The following HACD2 variants were observed in gnomAD, a reference collection of about 807,000 sequenced individuals.
HACD2 encodes the protein very-long-chain (3R)-3-hydroxyacyl-CoA dehydratase 2.
In HACD2, 15 loss-of-function variants were observed where a neutral mutation model predicts 31.0. The ratio of observed to expected loss-of-function variants is 0.48; its 90% CI spans 0.32 to 0.75. HACD2 has a LOEUF of 0.75. HACD2 is among the 30% of genes least tolerant of loss of function. The pLI is 0.03. For synonymous variants in HACD2, 115 were observed against 122.2 expected (o/e 0.94, Z 0.39); for missense variants, 283 against 313.0 (o/e 0.90, Z 0.72).
chr3:123,534,292 C>G (rs920933545), intron 3 of HACD2, among the ~76,000 whole-genome samples: 2 of 152,050 alleles, frequency 1.3e-5, no homozygotes, highest in Non-Finnish European at 2.9e-5. Context: ...TTTCGGATAA[C>G]GACGTACTGC....
chr3:123,578,702 T>A (rs992623926), intron 2 of HACD2, among the ~76,000 whole-genome samples: 5 of 152,208 alleles, frequency 3.3e-5, no homozygotes, highest in African/African-American at 9.6e-5. Context: ...TAATTTCGAT[T>A]TCCTTTTTAA....
chr3:123,573,605 G>C (rs2107754933), intron 2 of HACD2, among the ~76,000 whole-genome samples: 1 of 152,272 alleles, frequency 6.6e-6, no homozygotes, highest in Non-Finnish European at 1.5e-5. Context: ...AAACCCATTT[G>C]ACTCGCACAC....
intron 4 of HACD2, among the ~76,000 whole-genome samples, chr3:123,518,757 G>A (rs530309688): frequency 6.6e-6 from 1 of 152,202 alleles, no homozygotes; most frequent in East Asian, 1.9e-4. Context: ...AGCAACTTCG[G>A]GAGGCCAAGG....
rs183330450 is a variant in HACD2 at position 123,532,275 on chromosome 3, C to T, written c.293-3801G>A. 4.0e-3 allele frequency among the ~76,000 whole-genome samples: 605 copies of T among 152,326 alleles called. 4 individuals carry two copies. The highest frequency in any genetic ancestry group is 0.013 in the African/African-American group (560 of 41,574). ...TTAGACACCTTAATTTTCCCCAAAT[C>T]ATGTCATTCAGACCAACTGTCACTT... On this transcript the variant is annotated intron_variant, in intron 3 of 6. Transcript: ENST00000383657.
intron 2 of HACD2, among the ~76,000 whole-genome samples, chr3:123,571,520 G>A (rs537552410): frequency 6.6e-6 from 1 of 152,286 alleles, no homozygotes; most frequent in East Asian, 1.9e-4. Flanking sequence ...GGGGAGTCAC[G>A]TGCAAGGCCT....
chr3:123,546,653 T>C (rs753755210), intron 3 of HACD2, among the ~76,000 whole-genome samples: 45 of 152,328 alleles, frequency 3.0e-4, no homozygotes, highest in Admixed American at 1.1e-3. Context: ...TCCTGTTATA[T>C]AGGAAAAATA....
intron 4 of HACD2, among the ~76,000 whole-genome samples, chr3:123,525,660 G>C (rs1012635327): frequency 1.3e-5 from 2 of 152,180 alleles, no homozygotes; most frequent in Non-Finnish European, 2.9e-5. Flanking sequence ...GGTGGAGCAG[G>C]AGTCCAAATT....
intron 4 of HACD2, among the ~76,000 whole-genome samples, chr3:123,507,413 G>C (rs1180684827): frequency 1.3e-5 from 2 of 152,108 alleles, no homozygotes; most frequent in African/African-American, 2.4e-5. Flanking sequence ...CTGTACAGTG[G>C]AATACTATTC....
chr3:123,510,865 T>C (rs2056051385), intron 4 of HACD2, among the ~76,000 whole-genome samples: 2 of 152,022 alleles, frequency 1.3e-5, no homozygotes, highest in Non-Finnish European at 2.9e-5. Flanking sequence ...GGCTGTACCA[T>C]TTTACATTAC....
chr3:123,549,518 C>T (rs1332388955), intron 3 of HACD2, among the ~76,000 whole-genome samples: 1 of 152,186 alleles, frequency 6.6e-6, no homozygotes, highest in African/African-American at 2.4e-5. Context: ...GAAGTCAGGG[C>T]AGGCACATTT....
At chr3:123,577,576 G>A (rs985429846) in intron 2 of HACD2, among the ~76,000 whole-genome samples, 6 of 148,404 alleles carry the variant, frequency 4.0e-5, no homozygotes, top group East Asian at 4.0e-4. Context: ...AGCCGAGATC[G>A]CGCCACTGCA....
intron 2 of HACD2, among the ~76,000 whole-genome samples, chr3:123,572,331 C>A (rs187777527): frequency 8.5e-5 from 13 of 152,182 alleles, no homozygotes; most frequent in African/African-American, 3.1e-4. Flanking sequence ...CACAGTGAGA[C>A]CCCCAGCTCT....
chr3:123,557,140 T>C (rs1254680091), intron 3 of HACD2, among the ~76,000 whole-genome samples: 1 of 152,096 alleles, frequency 6.6e-6, no homozygotes, highest in Non-Finnish European at 1.5e-5. Context: ...GGTGAGTGAG[T>C]ATCACTGCCT....
At chr3:123,543,391 C>T (rs2056517347) in intron 3 of HACD2, among the ~76,000 whole-genome samples, 1 of 151,764 alleles carries the variant, frequency 6.6e-6, no homozygotes, top group African/African-American at 2.4e-5. Context: ...ACACATTATC[C>T]TGAAAACTCG....
intron 3 of HACD2, among the ~76,000 whole-genome samples, chr3:123,540,431 T>G (rs942072706): frequency 6.6e-6 from 1 of 152,196 alleles, no homozygotes; most frequent in Non-Finnish European, 1.5e-5. Context: ...TCTGAAAGTC[T>G]AACCTCTGAA....
intron 3 of HACD2, among the ~76,000 whole-genome samples, chr3:123,532,561 T>G (rs1013154586): frequency 6.6e-6 from 1 of 152,202 alleles, no homozygotes; most frequent in Non-Finnish European, 1.5e-5. Flanking sequence ...CCAGGCACAG[T>G]GGCTTACGCC....
chr3:123,556,359 C>T (rs966204269), intron 3 of HACD2, among the ~76,000 whole-genome samples: 1 of 151,618 alleles, frequency 6.6e-6, no homozygotes, highest in African/African-American at 2.4e-5. Flanking sequence ...ATCACCTGAG[C>T]CCTGCAGATC....
intron 4 of HACD2, 166 bp from the exon 5 acceptor site, chr3:123,502,847 T>G (rs1424278885): frequency 1.6e-6 from 1 of 637,236 alleles, no homozygotes. Flanking sequence ...GGGCCTAGGA[T>G]GACAGCTGTG....
At chr3:123,550,783 C>A (rs1325572522) in intron 3 of HACD2, among the ~76,000 whole-genome samples, 1 of 152,044 alleles carries the variant, frequency 6.6e-6, no homozygotes, top group Non-Finnish European at 1.5e-5. Flanking sequence ...AGGATGTGGC[C>A]CAGAAGTGGT....
Sources: allele counts gnomAD v4.1 joint callset (sites outside exome capture counted in the v4.1 genomes callset), GRCh38; gene constraint gnomAD v4.1.1; transcripts MANE v1.5; gene names NCBI Gene and HGNC (gene_info 2026-07-23, HGNC 2026-07-21).